The following CFAP61 variants were observed in gnomAD, a reference collection of about 807,000 sequenced individuals.
CFAP61 encodes the protein cilia- and flagella-associated protein 61.
In CFAP61, 107 loss-of-function variants were observed where a neutral mutation model predicts 135.6. The ratio of observed to expected loss-of-function variants is 0.79; its 90% CI spans 0.67 to 0.93. The LOEUF is 0.93. Ranked by LOEUF, CFAP61 falls within the 40% of genes least tolerant of loss-of-function variation. The pLI is 0.00. For missense variants in CFAP61, 1,507 were observed against 1,556.2 expected (o/e 0.97, Z 0.53); for synonymous variants, 575 against 578.5 (o/e 0.99, Z 0.09).
At chr20:20,112,516 TAAC>T (rs917200541) in intron 8 of CFAP61, among the ~76,000 whole-genome samples, 1 of 152,134 alleles carries the variant, frequency 6.6e-6, no homozygotes, top group African/African-American at 2.4e-5. Context: ...TAAGGTAAAA[TAAC>T]AAATCCTTTG....
intron 8 of CFAP61, among the ~76,000 whole-genome samples, chr20:20,100,705 T>G (rs1019704809): frequency 6.6e-6 from 1 of 152,212 alleles, no homozygotes; most frequent in African/African-American, 2.4e-5. Flanking sequence ...TCTGAGTGGC[T>G]CTGATGCTAC....
At chr20:20,161,271 GC>G (rs1601072339) in intron 10 of CFAP61, among the ~76,000 whole-genome samples, 1 of 152,112 alleles carries the variant, frequency 6.6e-6, no homozygotes, top group East Asian at 1.9e-4. Flanking sequence ...CAGGATGCCT[GC>G]CCCCACCACT....
At chr20:20,217,857 G>T (rs1302887396) in intron 17 of CFAP61, among the ~76,000 whole-genome samples, 2 of 152,136 alleles carry the variant, frequency 1.3e-5, no homozygotes, top group Non-Finnish European at 2.9e-5. Flanking sequence ...GCATGACCAT[G>T]CAGCCTTCTC....
In CFAP61 at chr20:20,200,840, A is replaced by C. The variant is rs1454893291; in HGVS notation, c.1932+938A>C. The C allele has an allele frequency of 3.0e-6, 3 of 985,308 alleles. No homozygotes were observed. The African/African-American group carries it at 5.2e-5, about 17-fold the overall frequency. The allele number at this position is 985,308 out of a possible 1,614,324, so 61.0% of individuals were successfully genotyped here. On this transcript the variant is annotated intron_variant, in intron 17 of 26. Coordinates refer to ENST00000245957, the MANE Select transcript of CFAP61 (RefSeq NM_015585.4). ...CAGAGCCTGTCTTACTTGTGCGTGCACTGAGGGATGGGGCGTACCTCCATC... is the reference window on the plus strand; with the variant it reads ...CAGAGCCTGTCTTACTTGTGCGTGCCCTGAGGGATGGGGCGTACCTCCATC...
At chr20:20,164,345 C>T (rs2146809462) in intron 11 of CFAP61, 117 bp downstream of exon 11, 1 of 1,020,948 alleles carries the variant, frequency 9.8e-7, no homozygotes, top group East Asian at 2.5e-5. Context: ...TCCTAATCTC[C>T]TGGGGAATTT....
chr20:20,194,524 T>C (rs763930426), intron 15 of CFAP61, among the ~76,000 whole-genome samples: 2 of 152,250 alleles, frequency 1.3e-5, no homozygotes, highest in Non-Finnish European at 2.9e-5. Context: ...CAGTAAGTTG[T>C]ATGTTTCTCT....
At chr20:20,252,752 G>A (rs1275782175) in intron 20 of CFAP61, among the ~76,000 whole-genome samples, 2 of 152,228 alleles carry the variant, frequency 1.3e-5, no homozygotes, top group Admixed American at 6.5e-5. Context: ...AAGCGCAGAG[G>A]AGGCAGCGCA....
chr20:20,319,383 C>T (rs1033346786), intron 25 of CFAP61, among the ~76,000 whole-genome samples: 2 of 152,170 alleles, frequency 1.3e-5, no homozygotes, highest in Non-Finnish European at 2.9e-5. Context: ...GGATTTGTGT[C>T]CCCACCCAAA....
At chr20:20,252,140 G>A (rs964467947) in intron 20 of CFAP61, among the ~76,000 whole-genome samples, 4 of 152,190 alleles carry the variant, frequency 2.6e-5, no homozygotes, top group African/African-American at 9.7e-5. Flanking sequence ...TTTGGCTGTG[G>A]CAATGGGCTC....
At chr20:20,136,856 A>G (rs1186325310) in intron 8 of CFAP61, among the ~76,000 whole-genome samples, 2 of 152,226 alleles carry the variant, frequency 1.3e-5, no homozygotes, top group South Asian at 2.1e-4. Context: ...AGTCTTTGCA[A>G]TCTGGACTTG....
At chr20:20,349,565 T>G (rs1052025507) in intron 26 of CFAP61, among the ~76,000 whole-genome samples, 5 of 152,146 alleles carry the variant, frequency 3.3e-5, no homozygotes, top group African/African-American at 1.2e-4. Context: ...AGCATGAGAG[T>G]TGAAGGGAAA....
At chr20:20,054,758 A>G (rs1043146487) in intron 1 of CFAP61, among the ~76,000 whole-genome samples, 61 of 152,272 alleles carry the variant, frequency 4.0e-4, no homozygotes, top group African/African-American at 1.3e-3. Context: ...TGTCAGTCTA[A>G]TTATTTTTTA....
intron 25 of CFAP61, among the ~76,000 whole-genome samples, chr20:20,335,933 C>A (rs138379161): frequency 2.6e-5 from 4 of 152,302 alleles, no homozygotes; most frequent in Admixed American, 6.5e-5. Flanking sequence ...AGTTCAGCCA[C>A]TTATTAACTC....
At chr20:20,112,343 C>T (rs1268239417) in intron 8 of CFAP61, among the ~76,000 whole-genome samples, 2 of 152,130 alleles carry the variant, frequency 1.3e-5, no homozygotes, top group Non-Finnish European at 2.9e-5. Flanking sequence ...ATATTCATAA[C>T]ATTTACATAA....
At chr20:20,083,932 G>A (rs533575441) in intron 6 of CFAP61, among the ~76,000 whole-genome samples, 3 of 152,296 alleles carry the variant, frequency 2.0e-5, no homozygotes, top group South Asian at 2.1e-4. Context: ...AACCCATTTG[G>A]AAGTTCTACA....
chr20:20,246,426 C>T (rs1351116651), intron 19 of CFAP61, among the ~76,000 whole-genome samples: 4 of 152,194 alleles, frequency 2.6e-5, no homozygotes, highest in Non-Finnish European at 4.4e-5. Context: ...AGTTTCTATC[C>T]GTGGGAAGAC....
intron 25 of CFAP61, among the ~76,000 whole-genome samples, chr20:20,298,879 A>G (rs578178054): frequency 1.3e-5 from 2 of 152,318 alleles, no homozygotes; most frequent in South Asian, 2.1e-4. Flanking sequence ...TCCCACACTG[A>G]CAGGTCGGTT....
At chr20:20,241,726 A>G (rs891469299) in intron 18 of CFAP61, among the ~76,000 whole-genome samples, 1 of 152,170 alleles carries the variant, frequency 6.6e-6, no homozygotes, top group Non-Finnish European at 1.5e-5. Context: ...CATAAACCAC[A>G]TATCTATCAT....
intron 26 of CFAP61, among the ~76,000 whole-genome samples, chr20:20,342,868 G>GTT (rs11481658): frequency 2.3e-4 from 34 of 147,970 alleles, no homozygotes; most frequent in East Asian, 1.4e-3. Context: ...TTCTGTTTTT[G>GTT]TTTTTTTTTT....
Sources: gnomAD v4.1 joint callset for allele counts (sites outside exome capture counted in the v4.1 genomes callset) on GRCh38, gnomAD v4.1.1 for gene constraint, MANE v1.5 for transcripts, NCBI Gene and HGNC (gene_info 2026-07-23, HGNC 2026-07-21) for gene names.